ADAM22: variants seen among roughly 807,000 people sequenced by gnomAD.
The protein encoded by ADAM22 is disintegrin and metalloproteinase domain-containing protein 22.
In ADAM22, 65 loss-of-function variants were observed where a neutral mutation model predicts 144.6. The observed-to-expected ratio is 0.45, with a 90% confidence interval of 0.37 to 0.55. The LOEUF is 0.55. ADAM22 is among the 20% of genes least tolerant of loss of function. The pLI, the probability that ADAM22 is intolerant of heterozygous loss-of-function variation, is 0.00. For synonymous variants in ADAM22, 391 were observed against 412.6 expected (o/e 0.95, Z 0.63); for missense variants, 974 against 1,184.9 (o/e 0.82, Z 2.61).
At chr7:87,953,888 A>G (rs1451280284) in intron 2 of ADAM22, among the ~76,000 whole-genome samples, 2 of 152,124 alleles carry the variant, frequency 1.3e-5, no homozygotes, top group African/African-American at 2.4e-5. Context: ...TCCCTTTACC[A>G]TTATGTAATG....
chr7:88,153,414 A>C, intron 21 of ADAM22, 88 bp downstream of exon 21: 1 of 1,081,622 alleles, frequency 9.2e-7, no homozygotes, highest in Non-Finnish European at 1.4e-6. Context: ...TGCTTTCTGC[A>C]TCACACAAAG....
At chr7:88,084,910 C>G (rs1818002502) in intron 4 of ADAM22, among the ~76,000 whole-genome samples, 1 of 152,138 alleles carries the variant, frequency 6.6e-6, no homozygotes, top group Non-Finnish European at 1.5e-5. Context: ...GGCCTCTCTC[C>G]TTGGTTTGTG....
In ADAM22 at chr7:88,055,949, A is replaced by G. The variant is rs942821088; in HGVS notation, c.324-19677A>G. ...TTTTGCTTGTTATTTTGGATTGCCA[A>G]TCATCAGCCAAGACTTTTACAGCTG... is the stretch of plus-strand genomic sequence containing the variant. On this transcript the variant is annotated intron_variant, in intron 3 of 31. Coordinates refer to ENST00000413139, the MANE Select transcript of ADAM22 (RefSeq NM_001324418.2). Among the ~76,000 whole-genome samples, 80 of 152,178 alleles carry G rather than the reference A, an allele frequency of 5.3e-4. 1 individual carries two copies. The highest frequency in any genetic ancestry group is 1.9e-3 in the African/African-American group (79 of 41,436).
At chr7:87,960,213 GTTAA>G (rs1847726471) in intron 2 of ADAM22, among the ~76,000 whole-genome samples, 1 of 152,196 alleles carries the variant, frequency 6.6e-6, no homozygotes, top group African/African-American at 2.4e-5. Flanking sequence ...TTATTCTGAA[GTTAA>G]TTGTTTGTGT....
intron 2 of ADAM22, among the ~76,000 whole-genome samples, chr7:87,967,738 G>T (rs1323054470): frequency 6.7e-6 from 1 of 148,218 alleles, no homozygotes; most frequent in African/African-American, 2.5e-5. Flanking sequence ...AGCCCTAGAG[G>T]CAGAGGTTGC....
chr7:88,114,504 G>T, intron 5 of ADAM22, 80 bp from the exon 6 acceptor site: 1 of 1,382,838 alleles, frequency 7.2e-7, no homozygotes, highest in South Asian at 1.2e-5. Context: ...TGGGCCCTCT[G>T]GCTGCTGCTG....
chr7:88,184,386 G>A (rs1433023114), intron 29 of ADAM22: 3 of 431,606 alleles, frequency 7.0e-6, no homozygotes, highest in South Asian at 4.9e-5. Flanking sequence ...CCCCCAGACA[G>A]GGAGTCTGGA....
At position 88,196,626 on chromosome 7, in the gene ADAM22, G is replaced by T. The variant is rs1586687526; in HGVS notation, c.*135G>T. 2 of 957,912 alleles carry T rather than the reference G, an allele frequency of 2.1e-6. No homozygotes were observed. Among genetic ancestry groups the T allele is most frequent in the Non-Finnish European group, 3.2e-6 (2 of 618,456 alleles). The allele number at this position is 957,912 out of a possible 1,614,324, so 59.3% of individuals were successfully genotyped here. ...CCCTCTGAGATGCTACAGAGGAGAG[G>T]AAGCGGAGTTTCACATCTGGTTACC... On this transcript the variant is annotated 3_prime_UTR_variant, in exon 32 of 32. Transcript: ENST00000413139.
chr7:88,064,807 A>G (rs963687059), intron 3 of ADAM22, among the ~76,000 whole-genome samples: 2 of 152,130 alleles, frequency 1.3e-5, no homozygotes, highest in African/African-American at 2.4e-5. Flanking sequence ...TTAAGTTCCA[A>G]TGTAAAAACT....
intron 8 of ADAM22, among the ~76,000 whole-genome samples, chr7:88,127,740 A>T (rs1003004319): frequency 6.6e-6 from 1 of 152,044 alleles, no homozygotes; most frequent in African/African-American, 2.4e-5. Flanking sequence ...GCAAAAATGG[A>T]CCTTGGGCAA....
rs368718490 is a variant in ADAM22, at chr7:87,934,530, C to A, written c.65C>A (p.Pro22Gln). The A allele has an allele frequency of 3.7e-6, 6 of 1,608,318 alleles. No individual in the cohort carries two copies. In the African/African-American group the frequency reaches 8.0e-5, roughly 21 times the overall value. The part of the protein sequence containing the change: ...LLLCVLGTCP[P>Q]ARCGQAGDAS... Reference sequence around the variant, plus strand: ...CTCTGTGTCCTGGGGACCTGCCCTCCGGCGCGCTGCGGCCAGGCAGGTAAG... The same window carrying A: ...CTCTGTGTCCTGGGGACCTGCCCTCAGGCGCGCTGCGGCCAGGCAGGTAAG... The change falls in exon 1 of 32, where the codon CCG becomes CAG. Residue 22 changes from proline to glutamine, a missense_variant. Pro to Gln is a moderately conservative substitution (Grantham distance 76, BLOSUM62 -1). Around this residue, in one of 2 missense-constraint regions of ADAM22, gnomAD observed 240 missense variants for 234.3 expected, o/e 1.02. Transcript: ENST00000413139.
rs561936408 is a variant in ADAM22, at chr7:88,107,198, CTTTTTTTTT to C, written c.391-961_391-953del. 2.1e-4 allele frequency among the ~76,000 whole-genome samples: 16 copies of C among 76,570 alleles called. No individual in the cohort carries two copies. In the East Asian group the frequency reaches 4.1e-3, roughly 20 times the overall value. 50.2% of individuals were successfully genotyped at this position (76,570 alleles called of 152,430 possible). ...TTTGCTGCTGCTCATGATTGAATTT[CTTTTTTTTT>C]TTTTTTTTTTTTTTTTGAGACAGGG... On this transcript the variant is annotated intron_variant, in intron 4 of 31. Transcript: ENST00000413139.
intron 3 of ADAM22, among the ~76,000 whole-genome samples, chr7:88,068,922 A>G (rs1811986336): frequency 6.6e-6 from 1 of 152,126 alleles, no homozygotes; most frequent in African/African-American, 2.4e-5. Context: ...CTGTAGTTTG[A>G]ATGTTTGTCA....
At chr7:88,088,612 A>T (rs4727151) in intron 4 of ADAM22, among the ~76,000 whole-genome samples, 1 of 151,834 alleles carries the variant, frequency 6.6e-6, no homozygotes, top group East Asian at 1.9e-4. Context: ...GGCTAACTTT[A>T]TAATTCCTGT....
intron 4 of ADAM22, among the ~76,000 whole-genome samples, chr7:88,094,265 C>T (rs966639525): frequency 1.1e-4 from 16 of 152,194 alleles, no homozygotes; most frequent in African/African-American, 3.9e-4. Flanking sequence ...GACCTGACCT[C>T]ATCTGGTTGG....
rs115862524 is a variant in ADAM22, at chr7:88,088,977, C to A, written c.390+13285C>A. On this transcript the variant is annotated intron_variant, in intron 4 of 31. Coordinates refer to ENST00000413139, the MANE Select transcript of ADAM22 (RefSeq NM_001324418.2). ...TTTTTTTTTAATGACAGTACTTATACTTAACATATTCTGTTATGGGACATA... is the reference window on the plus strand; with the variant it reads ...TTTTTTTTTAATGACAGTACTTATAATTAACATATTCTGTTATGGGACATA... 6.9e-3 allele frequency among the ~76,000 whole-genome samples: 1,041 copies of A among 151,556 alleles called. 9 individuals carry two copies. Among genetic ancestry groups the A allele is most frequent in the African/African-American group, 0.024 (987 of 41,312 alleles).
intron 17 of ADAM22, among the ~76,000 whole-genome samples, chr7:88,146,366 A>G (rs1004245518): frequency 4.6e-5 from 7 of 152,252 alleles, no homozygotes; most frequent in Non-Finnish European, 7.3e-5. Context: ...ATATGAAACT[A>G]TCATAGTAAG....
rs575965397 is a variant in ADAM22 at position 87,957,122 on chromosome 7, C to T, written c.247-21214C>T. Among the ~76,000 whole-genome samples the T allele has an allele frequency of 9.2e-5, 14 of 152,242 alleles. No individual in the cohort carries two copies. The Middle Eastern group carries it at 0.017, about 185-fold the overall frequency. On this transcript the variant is annotated intron_variant, in intron 2 of 31. Coordinates refer to ENST00000413139, the MANE Select transcript of ADAM22 (RefSeq NM_001324418.2). ...TAAGCTCAGTACCTGTGAGGCAGCC[C>T]TTTGTTTAGACATCTCTGGCTAAAA...
chr7:88,088,510 G>GGAAA (rs1554459801), intron 4 of ADAM22, among the ~76,000 whole-genome samples: 1 of 146,288 alleles, frequency 6.8e-6, no homozygotes, highest in East Asian at 2.0e-4. Context: ...TCAATGACAG[G>GGAAA]AAAAAAAAAA....
Sources: allele counts gnomAD v4.1 joint callset (sites outside exome capture counted in the v4.1 genomes callset), GRCh38; gene constraint gnomAD v4.1.1; regional missense constraint gnomAD v4.1.1; transcripts MANE v1.5; gene names NCBI Gene and HGNC (gene_info 2026-07-23, HGNC 2026-07-21).